Variants in TSPAN18 observed in about 807,000 individuals in gnomAD.
TSPAN18 encodes tetraspanin-18.
A neutral mutation model predicts 27.3 loss-of-function variants in TSPAN18; 14 were observed. The ratio of observed to expected loss-of-function variants is 0.51; its 90% confidence interval spans 0.34 to 0.80. The LOEUF is 0.80. Ranked by LOEUF, TSPAN18 falls within the 30% of genes least tolerant of loss-of-function variation. TSPAN18 has a pLI of 0.01. For synonymous variants in TSPAN18, 143 were observed against 136.5 expected, an observed-to-expected ratio of 1.05 and a Z score of -0.33; for missense variants, 268 against 323.9, an observed-to-expected ratio of 0.83 and a Z score of 1.32.
chr11:44,773,306 C>T (rs1306168611), intron 2 of TSPAN18, among the ~76,000 whole-genome samples: 2 of 151,970 alleles, frequency 1.3e-5, no homozygotes, highest in East Asian at 2.0e-4. Flanking sequence ...ATCCCAGCTA[C>T]TAGGGAGCCT....
intron 2 of TSPAN18, among the ~76,000 whole-genome samples, chr11:44,808,258 G>T (rs1856642663): frequency 6.6e-6 from 1 of 152,202 alleles, no homozygotes; most frequent in Non-Finnish European, 1.5e-5. Context: ...CACACAGCTA[G>T]AAGAGGTGGT....
At chr11:44,926,821 TC>T (rs1348374075) in intron 9 of TSPAN18, 64 bp downstream of exon 9, 4 of 1,557,260 alleles carry the variant, frequency 2.6e-6, no homozygotes, top group Non-Finnish European at 2.7e-6. Context: ...CCTAGGCAGA[TC>T]CCCCCAGCCT....
At chr11:44,728,757 C>T (rs1488478860) in intron 1 of TSPAN18, among the ~76,000 whole-genome samples, 2 of 152,118 alleles carry the variant, frequency 1.3e-5, no homozygotes, top group African/African-American at 2.4e-5. Flanking sequence ...CTTGGGAAGT[C>T]GACGGCTGCT....
intron 2 of TSPAN18, among the ~76,000 whole-genome samples, chr11:44,829,101 C>G (rs12272292): frequency 0.11 from 16,745 of 152,272 alleles, 962 homozygotes; most frequent in Middle Eastern, 0.2. Context: ...AGAGACTCCC[C>G]TTACCCAGGC....
chr11:44,833,108 C>A (rs1468627456), intron 2 of TSPAN18, among the ~76,000 whole-genome samples: 1 of 151,016 alleles, frequency 6.6e-6, no homozygotes, highest in Non-Finnish European at 1.5e-5. Flanking sequence ...ACTCTGGGCT[C>A]CAAAGCCTGT....
intron 9 of TSPAN18, among the ~76,000 whole-genome samples, chr11:44,927,681 T>G (rs1860418299): frequency 6.6e-6 from 1 of 152,118 alleles, no homozygotes; most frequent in East Asian, 1.9e-4. Flanking sequence ...ACAAGTCCCC[T>G]CATGGAGGGC....
intron 3 of TSPAN18, among the ~76,000 whole-genome samples, chr11:44,895,510 G>A (rs1056544498): frequency 1.3e-5 from 2 of 152,204 alleles, no homozygotes; most frequent in Admixed American, 1.3e-4. Flanking sequence ...AGGTGTCACT[G>A]GGCTGTCCTC....
chr11:44,921,053 T>A (rs902297407), intron 8 of TSPAN18, among the ~76,000 whole-genome samples: 36 of 152,084 alleles, frequency 2.4e-4, no homozygotes, highest in Non-Finnish European at 5.9e-5. Context: ...CAGCCTCAGC[T>A]CTGCCCCAGG....
At chr11:44,780,349 G>T (rs1447851168) in intron 2 of TSPAN18, among the ~76,000 whole-genome samples, 1 of 152,218 alleles carries the variant, frequency 6.6e-6, no homozygotes, top group Non-Finnish European at 1.5e-5. Context: ...CCCAGCAGGG[G>T]CTCCAGGGAG....
At chr11:44,905,089 T>C in intron 3 of TSPAN18, among the ~76,000 whole-genome samples, 1 of 152,294 alleles carries the variant, frequency 6.6e-6, no homozygotes, top group South Asian at 2.1e-4. Flanking sequence ...TGAATAATAA[T>C]TGTATATGTT....
Position 44,908,056 on chromosome 11 carries a change from G to GAAAAAAAA in TSPAN18, c.63+1584_63+1591dup, listed in dbSNP as rs386373739. ...GGCAACAGAGTGAAACTCCGTCTCA[G>GAAAAAAAA]AAAAAAAAAAAAAAGGAGAGAGACA... is the stretch of plus-strand genomic sequence containing the variant. On this transcript the variant is annotated intron_variant, in intron 4 of 9. Coordinates refer to ENST00000520358, the MANE Select transcript of TSPAN18 (RefSeq NM_130783.5). Among the ~76,000 whole-genome samples the GAAAAAAAA allele has an allele frequency of 3.7e-4, 46 of 124,954 alleles. 1 individual carries two copies. The highest frequency in any genetic ancestry group is 1.6e-3 in the South Asian group (6 of 3,714). The allele number at this position is 124,954 out of a possible 152,430, so 82.0% of individuals were successfully genotyped here. A position where few individuals can be genotyped will look rare whatever the true frequency, so the allele number is the denominator to read the frequency against.
chr11:44,906,528 G>T (rs543899671), intron 4 of TSPAN18, 49 bp downstream of exon 4: 4 of 1,547,150 alleles, frequency 2.6e-6, no homozygotes, highest in Non-Finnish European at 3.6e-6. Flanking sequence ...GGCAGAACTG[G>T]CTGCTGCTTT....
intron 1 of TSPAN18, among the ~76,000 whole-genome samples, chr11:44,741,447 ATGTGTGTGTGTGTGTG>A (rs58865710): frequency 6.8e-6 from 1 of 147,384 alleles, no homozygotes; most frequent in Non-Finnish European, 1.5e-5. Flanking sequence ...TCAGACATGT[ATGTGTGTGTGTGTGTG>A]TGTGTGTGTG....
At chr11:44,854,665 A>G (rs1184991281) in intron 2 of TSPAN18, among the ~76,000 whole-genome samples, 15 of 152,134 alleles carry the variant, frequency 9.9e-5, no homozygotes, top group Admixed American at 9.8e-4. Context: ...ACTGGATTTA[A>G]TAACCTGATC....
At chr11:44,857,748 ACTG>A (rs1565179688) in intron 2 of TSPAN18, among the ~76,000 whole-genome samples, 1 of 152,052 alleles carries the variant, frequency 6.6e-6, no homozygotes, top group Non-Finnish European at 1.5e-5. Context: ...ATCCTCCCCA[ACTG>A]GCACTTCTGG....
intron 8 of TSPAN18, among the ~76,000 whole-genome samples, chr11:44,924,179 C>T (rs1413411006): frequency 6.6e-6 from 1 of 151,890 alleles, no homozygotes; most frequent in Non-Finnish European, 1.5e-5. Flanking sequence ...CTTTCCACCA[C>T]TCAGGATATG....
chr11:44,867,448 G>A (rs1488878568), intron 3 of TSPAN18, among the ~76,000 whole-genome samples: 1 of 142,018 alleles, frequency 7.0e-6, no homozygotes, highest in Non-Finnish European at 1.5e-5. Flanking sequence ...ACCCAGGCTG[G>A]AGTGGAGTGG....
intron 8 of TSPAN18, among the ~76,000 whole-genome samples, chr11:44,920,564 G>GCCT (rs1311887659): frequency 6.6e-6 from 1 of 152,122 alleles, no homozygotes; most frequent in Non-Finnish European, 1.5e-5. Context: ...ACAAGCGCCT[G>GCCT]GCTTTGTGTG....
At chr11:44,779,253 A>G (rs1003101548) in intron 2 of TSPAN18, among the ~76,000 whole-genome samples, 9 of 152,132 alleles carry the variant, frequency 5.9e-5, no homozygotes, top group South Asian at 2.1e-4. Flanking sequence ...GGTCATGTCA[A>G]GTGAGATCAG....
Sources: allele counts gnomAD v4.1 joint callset (sites outside exome capture counted in the v4.1 genomes callset), GRCh38; gene constraint gnomAD v4.1.1; transcripts MANE v1.5; gene names NCBI Gene and HGNC (gene_info 2026-07-23, HGNC 2026-07-21).